The following NEK9 variants were observed in gnomAD, a reference collection of about 807,000 sequenced individuals.
NEK9 encodes the protein NIMA related kinase 9.
NEK9 carries 75 observed loss-of-function variants against 123.4 expected under a neutral mutation model. The ratio of observed to expected loss-of-function variants is 0.61; its 90% CI spans 0.50 to 0.74. The LOEUF (loss-of-function observed/expected upper bound fraction) is 0.74. NEK9 is among the 30% of genes least tolerant of loss of function. The pLI, the probability that NEK9 is intolerant of heterozygous loss-of-function variation, is 0.00. For missense variants in NEK9, 952 were observed against 1,214.4 expected (o/e 0.78, Z 3.21); for synonymous variants, 438 against 458.7 (o/e 0.95, Z 0.58).
intron 7 of NEK9, 106 bp downstream of exon 7, chr14:75,114,097 G>A (rs1895049163): frequency 1.4e-6 from 1 of 737,758 alleles, no homozygotes; most frequent in African/African-American, 1.7e-5. Flanking sequence ...ACTCTACCCT[G>A]GGGAAGTGGA....
chr14:75,084,813 C>T (rs1163623764), intron 21 of NEK9, 127 bp from the exon 22 acceptor site: 23 of 1,209,302 alleles, frequency 1.9e-5, no homozygotes, highest in South Asian at 1.2e-4. Flanking sequence ...TTTGTAGCCA[C>T]GATCTTGTGA....
At chr14:75,095,125 T>C (rs150231000) in intron 18 of NEK9, among the ~76,000 whole-genome samples, 65 of 152,362 alleles carry the variant, frequency 4.3e-4, no homozygotes, top group Middle Eastern at 3.4e-3. Context: ...ATTACAGTAC[T>C]GGGCAAGCTA....
At chr14:75,098,552 T>C (rs1894464181) in intron 16 of NEK9, among the ~76,000 whole-genome samples, 1 of 152,152 alleles carries the variant, frequency 6.6e-6, no homozygotes, top group East Asian at 1.9e-4. Context: ...AAGTGAGCCT[T>C]GGGGTACTCC....
At chr14:75,090,123 A>C (rs1894165068) in intron 19 of NEK9, among the ~76,000 whole-genome samples, 3 of 150,698 alleles carry the variant, frequency 2.0e-5, no homozygotes, top group East Asian at 2.0e-4. Flanking sequence ...GTGAGCCACC[A>C]TGCCTGGCCC....
chr14:75,117,243 G>T lies in NEK9; in HGVS notation c.714C>A (p.Gly238=), dbSNP rs1594849625. ...YNFKSDIWAV[G]CVIFELLTLK... ...AGGTAAGCAGTTCAAAAATGACGCA[G>T]CCAACTGCCCAGATATCAGACTTGA... Residue 238 remains glycine, a synonymous_variant, in exon 6 of 22, where the codon GGC becomes GGA. Transcript: ENST00000238616. The T allele has an allele frequency of 6.2e-7, 1 of 1,613,948 alleles. No individual in the cohort carries two copies. The highest frequency in any genetic ancestry group is 2.2e-5 in the East Asian group (1 of 44,864).
chr14:75,096,248 G>C (rs375552754), intron 17 of NEK9, among the ~76,000 whole-genome samples: 26 of 125,362 alleles, frequency 2.1e-4, no homozygotes, highest in South Asian at 1.9e-3. Flanking sequence ...CTGCGCTCCA[G>C]CCTGGGCGAC....
chr14:75,115,364 G>A (rs995016315), intron 6 of NEK9, among the ~76,000 whole-genome samples: 6 of 152,044 alleles, frequency 3.9e-5, no homozygotes, highest in Non-Finnish European at 7.4e-5. Flanking sequence ...TGATCTGTCC[G>A]CCTCAGCCTC....
chr14:75,114,257 G>A lies in NEK9; in HGVS notation c.819C>T (p.Asp273=), dbSNP rs1157866458. ...TCAATTCCAAAGAGTACTGGCTAGA[G>A]TCAACTTCCATGGCCCGAATTCCTT... ...IVQGIRAMEV[D]SSQYSLELIQ... is the part of the protein sequence containing the mutation. The change falls in exon 7 of 22, where the codon GAC becomes GAT. Residue 273 remains aspartate (D), a synonymous_variant. Transcript: ENST00000238616. 6.2e-7 allele frequency: 1 copy of A among 1,613,996 alleles called. No individual in the cohort carries two copies. The highest frequency in any genetic ancestry group is 8.5e-7 in the Non-Finnish European group (1 of 1,180,006).
At chr14:75,100,732 TG>T (rs1894547308) in intron 16 of NEK9, among the ~76,000 whole-genome samples, 1 of 152,140 alleles carries the variant, frequency 6.6e-6, no homozygotes, top group South Asian at 2.1e-4. Context: ...ACCAAAAAAG[TG>T]AAAGCTGAAA....
rs564968866 is a variant in NEK9 at position 75,084,351 on chromosome 14, C to G, written c.*213G>C. On this transcript the variant is annotated 3_prime_UTR_variant, in exon 22 of 22. Transcript: ENST00000238616. ...ATGACAAAGCCAGGGCCATGGGGGC[C>G]CTTCCATTCTCCAAAACAATAAAAT... The G allele has an allele frequency of 8.5e-5, 50 of 587,826 alleles. No individual in the cohort carries two copies. Among genetic ancestry groups the G allele is most frequent in the Middle Eastern group, 1.0e-3 (2 of 1,994 alleles). 36.4% of individuals were successfully genotyped at this position (587,826 alleles called of 1,614,324 possible).
At chr14:75,119,380 C>T (rs547719576) in intron 4 of NEK9, among the ~76,000 whole-genome samples, 1 of 152,256 alleles carries the variant, frequency 6.6e-6, no homozygotes, top group African/African-American at 2.4e-5. Context: ...ATATCCTAAA[C>T]ATCCCACAGT....
chr14:75,103,732 C>A (rs1422353137), intron 14 of NEK9, 110 bp downstream of exon 14: 2 of 1,207,288 alleles, frequency 1.7e-6, no homozygotes, highest in Admixed American at 4.5e-5. Context: ...GCCTATGAGA[C>A]CATAACTAAA....
At chr14:75,084,828 C>G in intron 21 of NEK9, 142 bp from the exon 22 acceptor site, 1 of 961,372 alleles carries the variant, frequency 1.0e-6, no homozygotes, top group Non-Finnish European at 1.6e-6. Context: ...TTGTGAGACG[C>G]TCATGGCACT....
chr14:75,126,985 C>T lies in NEK9; in HGVS notation c.-64G>A. 1 of 1,328,892 alleles carries T rather than the reference C, an allele frequency of 7.5e-7. No individual in the cohort carries two copies. The highest frequency in any genetic ancestry group is 9.9e-7 in the Non-Finnish European group (1 of 1,012,840). 82.3% of individuals were successfully genotyped at this position (1,328,892 alleles called of 1,614,324 possible). On this transcript the variant is annotated 5_prime_UTR_variant, in exon 1 of 22. Coordinates refer to ENST00000238616, the MANE Select transcript of NEK9 (RefSeq NM_033116.6). ...CCCGGAGGCCCTGGCCGCGCTGCGT[C>T]CCGCTCGCTTCAGATGCCGGCCCGC...
chr14:75,106,640 C>G lies in NEK9; in HGVS notation c.1390G>C (p.Ala464Pro). ...ATGGGTTCTAGCACTTCAGGGCCAG[C>G]AACTTTGTCCACCCCCATGCAGCCA... ...YYGCMGVDKV[A>P]GPEVLEPMQL... Residue 464 changes from alanine to proline, a missense_variant, in exon 12 of 22, where the codon GCT becomes CCT. Physicochemically the swap from Ala to Pro is conservative, Grantham distance 27. This residue lies in a region of NEK9 where 698 missense variants were observed against 875.6 expected (regional missense o/e 0.80). Coordinates refer to ENST00000238616, the MANE Select transcript of NEK9 (RefSeq NM_033116.6). 1.2e-6 allele frequency: 2 copies of G among 1,614,064 alleles called. No homozygotes were observed. The highest frequency in any genetic ancestry group is 8.5e-7 in the Non-Finnish European group (1 of 1,180,018).
In NEK9 at chr14:75,101,689, G is replaced by A. The variant is rs183911201; in HGVS notation, c.1808C>T (p.Ala603Val). Reference sequence around the variant, plus strand: ...AGCAGCTGTGTGAGTCTTGCCTGGGGCAATGGTACGGATCTTATAAAAGGA... The same window carrying A: ...AGCAGCTGTGTGAGTCTTGCCTGGGACAATGGTACGGATCTTATAAAAGGA... ...QLSFYKIRTI[A>V]PGKTHTAAID... Residue 603 changes from alanine to valine, a missense_variant, in exon 15 of 22, where the codon GCC (alanine) becomes GTC (valine). Transcript: ENST00000238616. 3 of 1,613,794 alleles carry A rather than the reference G, an allele frequency of 1.9e-6. No individual in the cohort carries two copies. The highest frequency in any genetic ancestry group is 2.5e-6 in the Non-Finnish European group (3 of 1,179,696).
At position 75,105,021 on chromosome 14, in the gene NEK9, C is replaced by T. The variant is rs570004587; in HGVS notation, c.1575+929G>A. 3.9e-5 allele frequency among the ~76,000 whole-genome samples: 6 copies of T among 152,294 alleles called. No homozygotes were observed. The South Asian group carries it at 1.2e-3, about 32-fold the overall frequency. ...TAGCCCTGTGGGGTCCCAATCTGGT[C>T]ATTTTATAGGAGAGGTGACAGAGTA... On this transcript the variant is annotated intron_variant, in intron 13 of 21. Transcript: ENST00000238616.
chr14:75,116,200 C>T (rs1210022155), intron 6 of NEK9, among the ~76,000 whole-genome samples: 1 of 152,168 alleles, frequency 6.6e-6, no homozygotes, highest in Non-Finnish European at 1.5e-5. Flanking sequence ...ACCTGTAATC[C>T]TAGCACAGGC....
In NEK9 at chr14:75,113,310, G is replaced by A. The variant is rs746015970; in HGVS notation, c.938+29C>T. On this transcript the variant is annotated intron_variant, in intron 8 of 21. Transcript: ENST00000238616. Reference sequence around the variant, plus strand: ...TCTAAAAGTCAACTATCTCAGAAAAGACAATGGAGTGACTTCTTCATAATT... The same window carrying A: ...TCTAAAAGTCAACTATCTCAGAAAAAACAATGGAGTGACTTCTTCATAATT... 3 of 1,571,932 alleles carry A rather than the reference G, an allele frequency of 1.9e-6. No homozygotes were observed. The Admixed American group carries it at 5.1e-5, about 27-fold the overall frequency.
Sources: allele counts gnomAD v4.1 joint callset (sites outside exome capture counted in the v4.1 genomes callset), GRCh38; gene constraint gnomAD v4.1.1; regional missense constraint gnomAD v4.1.1; transcripts MANE v1.5; gene names NCBI Gene and HGNC (gene_info 2026-07-23, HGNC 2026-07-21).